The following COLEC12 variants were observed in gnomAD, a reference collection of about 807,000 sequenced individuals.
The protein encoded by COLEC12 is collectin-12.
A neutral mutation model predicts 71.1 loss-of-function variants in COLEC12; 33 were observed. The observed-to-expected ratio is 0.46, with a 90% CI of 0.35 to 0.62. The LOEUF is 0.62. Among genes scored for constraint, COLEC12 ranks in the 20% least tolerant of loss-of-function variants. The pLI is 0.00. For missense variants in COLEC12, 765 were observed against 916.1 expected (o/e 0.84, Z 2.13); for synonymous variants, 350 against 353.0 (o/e 0.99, Z 0.10).
chr18:439,300 C>T (rs890782288), intron 2 of COLEC12, among the ~76,000 whole-genome samples: 1 of 152,138 alleles, frequency 6.6e-6, no homozygotes, highest in Non-Finnish European at 1.5e-5. Context: ...CCTGTACCAA[C>T]CAAAATGATA....
rs773813107 is a variant in COLEC12, at chr18:348,119, G to A, written c.226C>T (p.Arg76Cys). 10 of 1,613,784 alleles carry A rather than the reference G, an allele frequency of 6.2e-6. No homozygotes were observed. Among genetic ancestry groups the A allele is most frequent in the African/African-American group, 5.3e-5 (4 of 74,902 alleles). The change falls in exon 4 of 10, where the codon CGC becomes TGC. Residue 76 changes from arginine to cysteine, a missense_variant. Coordinates refer to ENST00000400256, the MANE Select transcript of COLEC12 (RefSeq NM_130386.3). Reference protein sequence around the residue: ...DNVTGGMETSRQTYDDKLTAV... With the variant: ...DNVTGGMETSCQTYDDKLTAV... ...GTGAGCTTGTCATCATAGGTTTGGCGAGATGTTTCCATGCCACCTGTGACA... is the reference window on the plus strand; with the variant it reads ...GTGAGCTTGTCATCATAGGTTTGGCAAGATGTTTCCATGCCACCTGTGACA...
chr18:443,970 G>T (rs570702161), intron 2 of COLEC12, among the ~76,000 whole-genome samples: 1 of 152,178 alleles, frequency 6.6e-6, no homozygotes, highest in East Asian at 1.9e-4. Flanking sequence ...TTCACCTTCT[G>T]CCATGATCGT....
chr18:445,183 G>A (rs1916622325), intron 2 of COLEC12, among the ~76,000 whole-genome samples: 1 of 152,144 alleles, frequency 6.6e-6, no homozygotes. Context: ...GCCAGAGAGT[G>A]CAATAACATG....
intron 2 of COLEC12, among the ~76,000 whole-genome samples, chr18:390,238 C>A (rs544314478): frequency 6.6e-6 from 1 of 152,164 alleles, no homozygotes; most frequent in Non-Finnish European, 1.5e-5. Flanking sequence ...GGGAGGCCAT[C>A]GTGCTGCCCA....
intron 1 of COLEC12, among the ~76,000 whole-genome samples, chr18:487,725 G>A (rs991106340): frequency 1.3e-5 from 2 of 152,210 alleles, no homozygotes; most frequent in African/African-American, 4.8e-5. Context: ...CCATGGTAAA[G>A]ATTAGAAGGT....
At chr18:430,065 C>T (rs949266098) in intron 2 of COLEC12, among the ~76,000 whole-genome samples, 6 of 152,062 alleles carry the variant, frequency 3.9e-5, no homozygotes, top group Admixed American at 1.3e-4. Context: ...TAAATAAATC[C>T]GGCTGGGCGT....
At chr18:447,571 A>G (rs1916677321) in intron 2 of COLEC12, among the ~76,000 whole-genome samples, 1 of 152,198 alleles carries the variant, frequency 6.6e-6, no homozygotes, top group Non-Finnish European at 1.5e-5. Flanking sequence ...GAAAAACAGC[A>G]ATCCATAACC....
chr18:437,354 G>C (rs1916427134), intron 2 of COLEC12, among the ~76,000 whole-genome samples: 1 of 152,130 alleles, frequency 6.6e-6, no homozygotes, highest in African/African-American at 2.4e-5. Flanking sequence ...TTAGCTTCAG[G>C]GTGACCACCT....
At chr18:485,384 C>T (rs1917500723) in intron 1 of COLEC12, among the ~76,000 whole-genome samples, 1 of 152,156 alleles carries the variant, frequency 6.6e-6, no homozygotes, top group Admixed American at 6.5e-5. Context: ...ATAACTTGAT[C>T]CCTGTTTCTG....
rs908614844 is a variant in COLEC12, at chr18:327,921, G to A, written c.2063+3747C>T. Among the ~76,000 whole-genome samples the A allele has an allele frequency of 6.6e-6, 1 of 152,116 alleles. No homozygotes were observed. The highest frequency in any genetic ancestry group is 1.9e-4 in the East Asian group (1 of 5,192). On this transcript the variant is annotated intron_variant, in intron 8 of 9. Transcript: ENST00000400256. This position sits in a 1 kb window ranked among gnomAD's most constrained non-coding sequence, Gnocchi z 4.0. The stretch of plus-strand genomic sequence containing the variant: ...TTGGCTGTGAAGCCATCTGGTCCTG[G>A]GCTTATCTTTCTGGGAGGTTTCTGA...
intron 3 of COLEC12, among the ~76,000 whole-genome samples, 158 bp downstream of exon 3, chr18:357,242 T>G (rs1171218151): frequency 2.6e-5 from 4 of 152,234 alleles, no homozygotes; most frequent in Non-Finnish European, 5.9e-5. Flanking sequence ...ATCTCATAGC[T>G]GTAAGTTTAA....
intron 2 of COLEC12, among the ~76,000 whole-genome samples, chr18:396,804 T>C (rs1479109174): frequency 6.6e-6 from 1 of 152,250 alleles, no homozygotes; most frequent in Non-Finnish European, 1.5e-5. Context: ...ACTCTAAGGT[T>C]TGTTTGCCTT....
chr18:337,511 C>T (rs1914145668), intron 5 of COLEC12, among the ~76,000 whole-genome samples: 1 of 152,174 alleles, frequency 6.6e-6, no homozygotes, highest in South Asian at 2.1e-4. Flanking sequence ...TAAGCAGGAC[C>T]CTCTTCCAGT....
chr18:496,391 GA>G (rs1274569443), intron 1 of COLEC12, among the ~76,000 whole-genome samples: 1 of 152,090 alleles, frequency 6.6e-6, no homozygotes, highest in Non-Finnish European at 1.5e-5. Flanking sequence ...CCAAACTAAT[GA>G]AAAGTCAAAA....
chr18:441,044 G>A (rs111633569), intron 2 of COLEC12, among the ~76,000 whole-genome samples: 2 of 149,904 alleles, frequency 1.3e-5, no homozygotes, highest in African/African-American at 4.9e-5. Context: ...GCCAGGAGAT[G>A]GAGACCATCC....
intron 2 of COLEC12, among the ~76,000 whole-genome samples, chr18:441,469 T>C (rs1302547549): frequency 1.3e-5 from 2 of 152,068 alleles, no homozygotes; most frequent in African/African-American, 2.4e-5. Flanking sequence ...GAGTACATAA[T>C]GGTGCGCAAC....
At chr18:458,862 G>T (rs553021378) in intron 2 of COLEC12, among the ~76,000 whole-genome samples, 6 of 152,306 alleles carry the variant, frequency 3.9e-5, no homozygotes, top group Admixed American at 6.5e-5. Context: ...TTGAGACAGG[G>T]TCTTGCTCTG....
At chr18:335,479 T>A (rs1317316263) in intron 5 of COLEC12, among the ~76,000 whole-genome samples, 3 of 152,108 alleles carry the variant, frequency 2.0e-5, no homozygotes, top group African/African-American at 7.2e-5. Flanking sequence ...GACACGGCCT[T>A]TACAGAGGTC....
At chr18:441,814 T>G (rs1362365155) in intron 2 of COLEC12, among the ~76,000 whole-genome samples, 3 of 151,442 alleles carry the variant, frequency 2.0e-5, no homozygotes, top group Non-Finnish European at 4.4e-5. Context: ...CTGGGCAACA[T>G]GGCAAAACCC....
Sources: gnomAD v4.1 joint callset for allele counts (sites outside exome capture counted in the v4.1 genomes callset) on GRCh38, gnomAD v4.1.1 for gene constraint, Gnocchi (gnomAD v3.1) non-coding constraint, MANE v1.5 for transcripts, NCBI Gene and HGNC (gene_info 2026-07-23, HGNC 2026-07-21) for gene names.